Variants in VPS45 observed in about 807,000 individuals in gnomAD.
VPS45 encodes the protein vacuolar protein sorting-associated protein 45.
In VPS45, 35 loss-of-function variants were observed where a neutral mutation model predicts 75.9. That is an observed-to-expected ratio of 0.46 (90% CI 0.35 to 0.61). The LOEUF (loss-of-function observed/expected upper bound fraction) is 0.61. Ranked by LOEUF, VPS45 falls within the 20% of genes least tolerant of loss-of-function variation. The pLI is 0.00. For missense variants in VPS45, 559 were observed against 685.9 expected, an observed-to-expected ratio of 0.81 and a Z score of 2.07; for synonymous variants, 220 against 238.2, an observed-to-expected ratio of 0.92 and a Z score of 0.70.
At chr1:150,133,417 G>C (rs1468843359) in intron 14 of VPS45, among the ~76,000 whole-genome samples, 1 of 152,130 alleles carries the variant, frequency 6.6e-6, no homozygotes, top group Non-Finnish European at 1.5e-5. Context: ...AGCCGGGCGT[G>C]GTGGTGGGCG....
intron 14 of VPS45, among the ~76,000 whole-genome samples, chr1:150,114,215 G>A (rs1292409404): frequency 6.6e-6 from 1 of 151,852 alleles, no homozygotes; most frequent in Non-Finnish European, 1.5e-5. Flanking sequence ...TCCCATGCCT[G>A]TACTCCCAGC....
At chr1:150,119,933 A>AC (rs1658145880) in intron 14 of VPS45, among the ~76,000 whole-genome samples, 2 of 151,854 alleles carry the variant, frequency 1.3e-5, no homozygotes, top group South Asian at 4.2e-4. Context: ...ACATGGAGAA[A>AC]CCCCGTCTCT....
intron 3 of VPS45, among the ~76,000 whole-genome samples, chr1:150,074,341 T>C (rs1372938894): frequency 6.6e-6 from 1 of 152,070 alleles, no homozygotes; most frequent in Non-Finnish European, 1.5e-5. Flanking sequence ...GTATTAATAG[T>C]TCATTCCTCC....
intron 14 of VPS45, among the ~76,000 whole-genome samples, chr1:150,132,148 G>C (rs1245252148): frequency 2.0e-5 from 3 of 151,990 alleles, no homozygotes; most frequent in African/African-American, 7.3e-5. Flanking sequence ...TTTTTCTTTT[G>C]TGTAAGCTAC....
chr1:150,145,100 G>A lies in VPS45; in HGVS notation c.*304G>A. The A allele has an allele frequency of 1.6e-6, 1 of 623,090 alleles. No homozygotes were observed. The highest frequency in any genetic ancestry group is 2.2e-5 in the South Asian group (1 of 45,348). 38.6% of individuals were successfully genotyped at this position (623,090 alleles called of 1,614,324 possible). Reference sequence around the variant, plus strand: ...GGGGAAAGGGTTATCAGAGCCTAGAGGGGCTTAAAAAGTAATCATTTGATG... The same window carrying A: ...GGGGAAAGGGTTATCAGAGCCTAGAAGGGCTTAAAAAGTAATCATTTGATG... On this transcript the variant is annotated 3_prime_UTR_variant, in exon 15 of 15. Transcript: ENST00000644510.
chr1:150,116,200 T>C (rs1265723834), intron 14 of VPS45, among the ~76,000 whole-genome samples: 2 of 152,184 alleles, frequency 1.3e-5, no homozygotes, highest in Non-Finnish European at 2.9e-5. Flanking sequence ...GTAGATGATA[T>C]GATTTGGAAG....
chr1:150,077,774 A>G lies in VPS45; in HGVS notation c.682A>G (p.Asn228Asp). 1 of 1,611,544 alleles carries G rather than the reference A, an allele frequency of 6.2e-7. No individual in the cohort carries two copies. Residue 228 changes from asparagine (N) to aspartate (D), a missense_variant, in exon 7 of 15, where the codon AAC becomes GAC. Physicochemically the swap from Asn to Asp is conservative, Grantham distance 23. Coordinates refer to ENST00000644510, the MANE Select transcript of VPS45 (RefSeq NM_007259.5). ...TGATGATGCCATCACCCCATTGCTA[A>G]ACCAGGTACAAAACCCTTTCTTGGC... ...RCDDAITPLL[N>D]QWTYQAMVHE...
intron 14 of VPS45, among the ~76,000 whole-genome samples, chr1:150,140,085 G>T (rs1553814884): frequency 6.6e-6 from 1 of 151,840 alleles, no homozygotes; most frequent in Non-Finnish European, 1.5e-5. Flanking sequence ...GTAGAGACAG[G>T]GTTTCACCAT....
At chr1:150,138,940 C>G (rs1236738504) in intron 14 of VPS45, among the ~76,000 whole-genome samples, 1 of 152,066 alleles carries the variant, frequency 6.6e-6, no homozygotes, top group Non-Finnish European at 1.5e-5. Context: ...TCCTCTTTAT[C>G]TCACACCTAC....
chr1:150,113,173 G>A (rs1343691592), intron 14 of VPS45, among the ~76,000 whole-genome samples: 3 of 151,884 alleles, frequency 2.0e-5, no homozygotes, highest in East Asian at 1.9e-4. Context: ...TGGCCTTTCC[G>A]GCAACTAGCC....
At chr1:150,139,260 C>T (rs587730616) in intron 14 of VPS45, among the ~76,000 whole-genome samples, 2 of 152,230 alleles carry the variant, frequency 1.3e-5, no homozygotes, top group Non-Finnish European at 2.9e-5. Flanking sequence ...TTATAGCCCG[C>T]TCTACCCATT....
At chr1:150,121,112 C>T (rs1553809498) in intron 14 of VPS45, among the ~76,000 whole-genome samples, 1 of 151,998 alleles carries the variant, frequency 6.6e-6, no homozygotes, top group African/African-American at 2.4e-5. Flanking sequence ...TTCTCAGCCT[C>T]CCAAAGTGCT....
intron 14 of VPS45, among the ~76,000 whole-genome samples, chr1:150,127,741 C>T (rs1658593003): frequency 6.6e-6 from 1 of 152,196 alleles, no homozygotes; most frequent in Non-Finnish European, 1.5e-5. Context: ...TACCTAAGCA[C>T]TCAGTTGAAA....
At chr1:150,071,985 G>A (rs1258235311) in intron 2 of VPS45, among the ~76,000 whole-genome samples, 181 bp from the exon 3 acceptor site, 2 of 151,430 alleles carry the variant, frequency 1.3e-5, no homozygotes, top group Admixed American at 6.6e-5. Context: ...TATGATTCCC[G>A]ATCATTGTAT....
chr1:150,089,371 A>C (rs778169382), intron 10 of VPS45, among the ~76,000 whole-genome samples: 15 of 151,852 alleles, frequency 9.9e-5, no homozygotes, highest in Non-Finnish European at 1.6e-4. Context: ...ATTTTTATTT[A>C]TTTATTTGAG....
chr1:150,122,334 G>T (rs1413858525), intron 14 of VPS45, among the ~76,000 whole-genome samples: 1 of 151,982 alleles, frequency 6.6e-6, no homozygotes, highest in Non-Finnish European at 1.5e-5. Context: ...CTTAAAGGAG[G>T]TGGGGGGAGT....
At position 150,142,791 on chromosome 1, in the gene VPS45, A is replaced by G. The variant is rs1396475024; in HGVS notation, c.1626-1918A>G. On this transcript the variant is annotated intron_variant, in intron 14 of 14. Transcript: ENST00000644510. ...GCAATTCTTCTGCCTTAGCCTCCCA[A>G]GTAGCTGGGACTACAGGCACCTGTC... 4.6e-6 allele frequency: 2 copies of G among 433,992 alleles called. No individual in the cohort carries two copies. The highest frequency in any genetic ancestry group is 9.2e-6 in the Non-Finnish European group (2 of 216,430). The allele number at this position is 433,992 out of a possible 1,614,324, so 26.9% of individuals were successfully genotyped here.
chr1:150,082,598 G>T, intron 9 of VPS45, 118 bp from the exon 10 acceptor site: 2 of 1,246,610 alleles, frequency 1.6e-6, no homozygotes, highest in Non-Finnish European at 2.2e-6. Flanking sequence ...GCTGAAAGTT[G>T]TAGATGCTTT....
chr1:150,120,051 T>C (rs1328299283), intron 14 of VPS45, among the ~76,000 whole-genome samples: 1 of 152,162 alleles, frequency 6.6e-6, no homozygotes, highest in Non-Finnish European at 1.5e-5. Context: ...GAGGTTGCGA[T>C]GAGCTGAGAT....
Sources: gnomAD v4.1 joint callset for allele counts (sites outside exome capture counted in the v4.1 genomes callset) on GRCh38, gnomAD v4.1.1 for gene constraint, MANE v1.5 for transcripts, NCBI Gene and HGNC (gene_info 2026-07-23, HGNC 2026-07-21) for gene names.